The following FBXO34 variants were observed in gnomAD, a reference collection of about 807,000 sequenced individuals.
The protein encoded by FBXO34 is F-box protein 34.
Under a neutral mutation model 24.5 loss-of-function variants are expected in FBXO34, and 12 were observed. The ratio of observed to expected loss-of-function variants is 0.49; its 90% confidence interval spans 0.31 to 0.79. FBXO34 has a LOEUF of 0.79. FBXO34 is among the 30% of genes least tolerant of loss of function. FBXO34 has a pLI of 0.04. For synonymous variants in FBXO34, 320 were observed against 311.9 expected (o/e 1.03, Z -0.27); for missense variants, 823 against 857.7 (o/e 0.96, Z 0.51).
At chr14:55,362,573 G>A (rs553068456), downstream of FBXO34, among the ~76,000 whole-genome samples, 2 of 152,330 alleles carry the variant, frequency 1.3e-5, 1 homozygote, top group African/African-American at 4.8e-5. Flanking sequence ...TCTCAAAGGA[G>A]TAGCAGAACT....
chr14:55,278,468 A>C (rs1881418141), intron 1 of FBXO34, among the ~76,000 whole-genome samples: 1 of 152,124 alleles, frequency 6.6e-6, no homozygotes, highest in African/African-American at 2.4e-5. Context: ...TTGAGGCTTG[A>C]TTCAGTTATA....
At chr14:55,341,713 A>T (rs1884000554) in intron 1 of FBXO34, among the ~76,000 whole-genome samples, 1 of 152,116 alleles carries the variant, frequency 6.6e-6, no homozygotes, top group African/African-American at 2.4e-5. Context: ...TTCTAGTGGC[A>T]TTTACCACTG....
At chr14:55,427,897 T>C in the FBXO34 span, among the ~76,000 whole-genome samples, 1 of 150,422 alleles carries the variant, frequency 6.6e-6, no homozygotes, top group East Asian at 1.9e-4. Context: ...TTTTTTTTTT[T>C]TGAGACGGAG....
chr14:55,280,474 C>T lies in FBXO34; in HGVS notation c.-11+8937C>T, dbSNP rs1029548841. Among the ~76,000 whole-genome samples, 13 of 150,132 alleles carry T rather than the reference C, an allele frequency of 8.7e-5. No individual in the cohort carries two copies. The South Asian group carries it at 1.3e-3, about 15-fold the overall frequency. On this transcript the variant is annotated intron_variant, in intron 1 of 1. Coordinates refer to ENST00000313833, the MANE Select transcript of FBXO34 (RefSeq NM_017943.4). ...TAATCTAGAGTTTGTTTAAAGTATG[C>T]GGTAGAATGTGCGTAGGTTATATGC...
intron 1 of FBXO34, chr14:55,299,034 G>A: frequency 1.7e-5 from 28 of 1,605,526 alleles, no homozygotes; most frequent in Non-Finnish European, 2.2e-5. Context: ...AGAACTTGGG[G>A]AGGAGATTTC....
downstream of FBXO34, chr14:55,368,148 T>C (rs1884725526): frequency 6.6e-6 from 1 of 151,168 alleles, no homozygotes. Flanking sequence ...CCTCTCTCAT[T>C]ATAGTTTTCT....
chr14:55,297,128 C>T (rs571604251), intron 1 of FBXO34, among the ~76,000 whole-genome samples: 1 of 152,244 alleles, frequency 6.6e-6, no homozygotes, highest in South Asian at 2.1e-4. Flanking sequence ...GATGGAGCCG[C>T]CATTTTGAAC....
chr14:55,293,834 G>T (rs1366982970), intron 1 of FBXO34, among the ~76,000 whole-genome samples: 6 of 148,856 alleles, frequency 4.0e-5, no homozygotes, highest in Middle Eastern at 3.5e-3. Context: ...ATGAAGTGTG[G>T]TTTTTTTTTT....
the FBXO34 span, among the ~76,000 whole-genome samples, chr14:55,428,046 C>T: frequency 6.9e-6 from 1 of 144,028 alleles, no homozygotes; most frequent in African/African-American, 2.6e-5. Context: ...TTTTCATCTT[C>T]TCCCCAATCC....
At chr14:55,342,731 T>C (rs1388626839) in intron 1 of FBXO34, among the ~76,000 whole-genome samples, 1 of 152,214 alleles carries the variant, frequency 6.6e-6, no homozygotes, top group East Asian at 1.9e-4. Context: ...TAGTATGGTT[T>C]ATGTGATCTG....
intron 1 of FBXO34, 100 bp from the exon 2 acceptor site, chr14:55,350,281 T>C: frequency 1.3e-6 from 1 of 788,800 alleles, no homozygotes; most frequent in Non-Finnish European, 1.9e-6. Flanking sequence ...TAGAACATGT[T>C]TTTCTTAGTT....
the FBXO34 span, chr14:55,414,339 A>G: frequency 1.5e-5 from 22 of 1,447,248 alleles, no homozygotes; most frequent in Middle Eastern, 5.3e-4. Flanking sequence ...GCTTATGGAC[A>G]TATTCAAACC....
At chr14:55,336,341 C>T (rs532849889) in intron 1 of FBXO34, among the ~76,000 whole-genome samples, 1 of 152,254 alleles carries the variant, frequency 6.6e-6, no homozygotes, top group Admixed American at 6.5e-5. Flanking sequence ...TTGTTTGAAC[C>T]AGGAAGGAGC....
the FBXO34 span, among the ~76,000 whole-genome samples, chr14:55,401,751 C>T: frequency 6.6e-6 from 1 of 152,124 alleles, no homozygotes; most frequent in East Asian, 1.9e-4. Context: ...TCGCACACAG[C>T]CCCAGTGGCA....
At chr14:55,421,141 A>G in the FBXO34 span, among the ~76,000 whole-genome samples, 6 of 151,986 alleles carry the variant, frequency 3.9e-5, no homozygotes, top group Non-Finnish European at 7.4e-5. Context: ...AAAGAAATCT[A>G]TAATAGGAAC....
chr14:55,366,872 A>C (rs989501920), downstream of FBXO34: 1 of 152,642 alleles, frequency 6.6e-6, no homozygotes, highest in Non-Finnish European at 1.5e-5. Context: ...CAGCAAAAAG[A>C]GTAGAAAAAA....
At chr14:55,415,502 C>G in the FBXO34 span, among the ~76,000 whole-genome samples, 1 of 152,314 alleles carries the variant, frequency 6.6e-6, no homozygotes, top group African/African-American at 2.4e-5. Context: ...TACGCACTTT[C>G]ATTGCAGCAC....
chr14:55,324,231 T>C (rs886845419), intron 1 of FBXO34, among the ~76,000 whole-genome samples: 3 of 152,212 alleles, frequency 2.0e-5, no homozygotes, highest in Non-Finnish European at 2.9e-5. Flanking sequence ...GCATGATGTC[T>C]TCAAGGTTTA....
intron 1 of FBXO34, chr14:55,298,642 C>T (rs117960693): frequency 0.077 from 111,393 of 1,449,026 alleles, 4,664 homozygotes; most frequent in South Asian, 0.094. Flanking sequence ...GCGCGGCGAG[C>T]GCTGTTCGGG....
Sources: allele counts gnomAD v4.1 joint callset (sites outside exome capture counted in the v4.1 genomes callset), GRCh38; gene constraint gnomAD v4.1.1; transcripts MANE v1.5; gene names NCBI Gene and HGNC (gene_info 2026-07-23, HGNC 2026-07-21).